EHD4: variants seen among roughly 807,000 people sequenced by gnomAD.
The protein encoded by EHD4 is EH domain-containing protein 4.
In EHD4, 37 loss-of-function variants were observed where a neutral mutation model predicts 51.0. The ratio of observed to expected loss-of-function variants is 0.73; its 90% CI spans 0.56 to 0.95. The LOEUF is 0.95. Among genes scored for constraint, EHD4 ranks in the 40% least tolerant of loss-of-function variants. The probability of loss-of-function intolerance (pLI) is 0.00; values close to 1 mark genes in which losing one functional copy is unlikely to be tolerated. For missense variants in EHD4, 632 were observed against 733.1 expected (o/e 0.86, Z 1.59); for synonymous variants, 297 against 317.3 (o/e 0.94, Z 0.68).
chr15:41,919,684 G>A, intron 3 of EHD4, 62 bp from the exon 4 acceptor site: 1 of 1,441,150 alleles, frequency 6.9e-7, no homozygotes. Context: ...TTAATGGGCG[G>A]CTCAGGAACA....
intron 5 of EHD4, chr15:41,908,826 GCAGC>G (rs2067528936): frequency 6.6e-6 from 1 of 152,220 alleles, no homozygotes; most frequent in Admixed American, 6.5e-5. Flanking sequence ...AAAACCAAAG[GCAGC>G]CAGAGAGGGT....
chr15:41,972,060 A>G (rs1178287885), intron 1 of EHD4, among the ~76,000 whole-genome samples, 199 bp downstream of exon 1: 1 of 151,938 alleles, frequency 6.6e-6, no homozygotes, highest in Non-Finnish European at 1.5e-5. Context: ...CGGAGTGCGC[A>G]GGGCGCGGGT....
chr15:41,902,926 C>T (rs1311961777), intron 5 of EHD4, among the ~76,000 whole-genome samples: 1 of 150,658 alleles, frequency 6.6e-6, no homozygotes. Context: ...AGGAGAAGAG[C>T]TCAGTTGCCC....
At chr15:41,922,753 G>C (rs530083862) in intron 3 of EHD4, among the ~76,000 whole-genome samples, 14 of 152,292 alleles carry the variant, frequency 9.2e-5, no homozygotes, top group Non-Finnish European at 1.2e-4. Context: ...AGAGCTGCCA[G>C]ATTTAAGTTT....
At chr15:41,904,780 G>GT (rs2067501772) in intron 5 of EHD4, among the ~76,000 whole-genome samples, 1 of 152,260 alleles carries the variant, frequency 6.6e-6, no homozygotes, top group African/African-American at 2.4e-5. Flanking sequence ...AGAGTCAGCA[G>GT]TAACGGTGGC....
intron 3 of EHD4, chr15:41,921,864 T>G (rs1358722010): frequency 1.3e-5 from 2 of 152,152 alleles, no homozygotes; most frequent in Non-Finnish European, 2.9e-5. Context: ...GGCATAAGCA[T>G]GTGATCTAGA....
intron 3 of EHD4, among the ~76,000 whole-genome samples, chr15:41,931,495 G>A (rs547474534): frequency 1.5e-4 from 23 of 152,132 alleles, no homozygotes; most frequent in East Asian, 1.4e-3. Context: ...CCTGGGTGAC[G>A]GAGCTTCGAG....
At chr15:41,907,093 T>A (rs2067517588) in intron 5 of EHD4, among the ~76,000 whole-genome samples, 1 of 152,156 alleles carries the variant, frequency 6.6e-6, no homozygotes, top group Non-Finnish European at 1.5e-5. Flanking sequence ...CCCTACATTA[T>A]CGGGCTCACA....
At chr15:41,907,552 C>T (rs2067520589) in intron 5 of EHD4, among the ~76,000 whole-genome samples, 1 of 152,174 alleles carries the variant, frequency 6.6e-6, no homozygotes, top group Non-Finnish European at 1.5e-5. Flanking sequence ...CGGGGTCTTA[C>T]ACTGTTGTCC....
intron 3 of EHD4, among the ~76,000 whole-genome samples, chr15:41,938,347 T>G (rs1353731306): frequency 6.6e-6 from 1 of 152,142 alleles, no homozygotes; most frequent in Non-Finnish European, 1.5e-5. Context: ...CTTAAAGATG[T>G]TTGTATATAG....
chr15:41,911,802 CA>C (rs1318288135), intron 4 of EHD4, among the ~76,000 whole-genome samples: 11 of 152,152 alleles, frequency 7.2e-5, no homozygotes, highest in Admixed American at 7.2e-4. Context: ...AGCCCTGGAG[CA>C]GCTGCCTAGG....
intron 3 of EHD4, 24 bp downstream of exon 3, chr15:41,943,043 G>A (rs1356855745): frequency 6.5e-7 from 1 of 1,546,548 alleles, no homozygotes; most frequent in Non-Finnish European, 8.8e-7. Flanking sequence ...CACTTGGTGG[G>A]GAGGGGCAGG....
chr15:41,955,655 C>T (rs115458280), intron 1 of EHD4, among the ~76,000 whole-genome samples: 2,037 of 152,312 alleles, frequency 0.013, 38 homozygotes, highest in African/African-American at 0.046. Context: ...TCCATCAAAA[C>T]CTCTGTATCC....
At chr15:41,950,620 G>A (rs1288124305) in intron 2 of EHD4, among the ~76,000 whole-genome samples, 1 of 152,194 alleles carries the variant, frequency 6.6e-6, no homozygotes, top group Non-Finnish European at 1.5e-5. Context: ...GCACTGTCCT[G>A]TGGATACTAC....
chr15:41,968,299 TACGG>T (rs2067973614), intron 1 of EHD4, among the ~76,000 whole-genome samples: 3 of 152,120 alleles, frequency 2.0e-5, no homozygotes, highest in African/African-American at 7.2e-5. Flanking sequence ...TAAACACAAT[TACGG>T]TATCAAGCAT....
chr15:41,944,863 C>T (rs894037510), intron 2 of EHD4, among the ~76,000 whole-genome samples: 4 of 152,154 alleles, frequency 2.6e-5, no homozygotes, highest in African/African-American at 9.7e-5. Context: ...CCCCAATTTC[C>T]ACCTGTCTGC....
chr15:41,902,241 CTCCATCCATCCA>C lies in EHD4; in HGVS notation c.1090-1072_1090-1061del, dbSNP rs56023420. 7.3e-3 allele frequency among the ~76,000 whole-genome samples: 1,063 copies of C among 146,312 alleles called. 8 individuals are homozygous for C. The highest frequency in any genetic ancestry group is 9.1e-3 in the Admixed American group (134 of 14,648). On this transcript the variant is annotated intron_variant, in intron 5 of 5. Coordinates refer to ENST00000220325, the MANE Select transcript of EHD4 (RefSeq NM_139265.4). ...TTCCTACCTTGGTTCTCCTTGGTTA[CTCCATCCATCCA>C]TCCATCCATCCATCCATCCATCCAT...
intron 3 of EHD4, among the ~76,000 whole-genome samples, chr15:41,940,498 C>T (rs901877465): frequency 4.6e-5 from 7 of 152,198 alleles, no homozygotes. Context: ...GAGTGACTTC[C>T]ACCACCAGCT....
intron 5 of EHD4, among the ~76,000 whole-genome samples, chr15:41,904,037 G>C (rs1186570267): frequency 6.6e-6 from 1 of 152,210 alleles, no homozygotes; most frequent in Non-Finnish European, 1.5e-5. Context: ...AGGTGGAGGA[G>C]CAGGCGTCCC....
Sources: gnomAD v4.1 joint callset for allele counts (sites outside exome capture counted in the v4.1 genomes callset) on GRCh38, gnomAD v4.1.1 for gene constraint, MANE v1.5 for transcripts, NCBI Gene and HGNC (gene_info 2026-07-23, HGNC 2026-07-21) for gene names.